The following CRMP1 variants were observed in gnomAD, a reference collection of about 807,000 sequenced individuals.
CRMP1 encodes dihydropyrimidinase-related protein 1.
Under a neutral mutation model 68.3 loss-of-function variants are expected in CRMP1, and 19 were observed. The ratio of observed to expected loss-of-function variants is 0.28; its 90% CI spans 0.19 to 0.41. The LOEUF (loss-of-function observed/expected upper bound fraction) is 0.41. Ranked by LOEUF, CRMP1 falls within the 10% of genes least tolerant of loss-of-function variation. CRMP1 has a pLI of 1.00. For synonymous variants in CRMP1, 439 were observed against 399.6 expected (o/e 1.10, Z -1.18); for missense variants, 791 against 967.4 (o/e 0.82, Z 2.42).
In CRMP1 at chr4:5,870,486, AC is replaced by A. The variant is rs1714362452; in HGVS notation, c.382-3731del. On this transcript the variant is annotated intron_variant, in intron 1 of 13. Transcript: ENST00000324989. The surrounding 1 kb of genome is among the most constrained non-coding windows in gnomAD (Gnocchi z 6.0). ...TTTGCACAGCACTTGTCTTTACTAG[AC>A]CGTGAGCTCCACGGAGGCAACGGAC... 6.6e-6 allele frequency among the ~76,000 whole-genome samples: 1 copy of A among 152,168 alleles called. No homozygotes were observed. The highest frequency in any genetic ancestry group is 2.1e-4 in the South Asian group (1 of 4,830).
rs1330492824 is a variant in CRMP1 at position 5,890,421 on chromosome 4, G to A, written c.381+2168C>T. 1.3e-5 allele frequency among the ~76,000 whole-genome samples: 2 copies of A among 152,212 alleles called. No homozygotes were observed. The highest frequency in any genetic ancestry group is 2.9e-5 in the Non-Finnish European group (2 of 68,030). Reference sequence around the variant, plus strand: ...CCTGCAGCCCAGGGAGAAGCCTGGTGGGCGGGGGGGGAAGGGCCGGGGCAC... The same window carrying A: ...CCTGCAGCCCAGGGAGAAGCCTGGTAGGCGGGGGGGGAAGGGCCGGGGCAC... On this transcript the variant is annotated intron_variant, in intron 1 of 13. Coordinates refer to ENST00000324989, the MANE Select transcript of CRMP1 (RefSeq NM_001014809.3). The surrounding 1 kb of genome is among the most constrained non-coding windows in gnomAD (Gnocchi z 5.5).
chr4:5,857,904 C>T (rs1713251920), intron 3 of CRMP1, among the ~76,000 whole-genome samples: 1 of 152,122 alleles, frequency 6.6e-6, no homozygotes, highest in Non-Finnish European at 1.5e-5. Context: ...GTCTTTTAAA[C>T]CTCCCTTGAG....
At chr4:5,828,807 C>CTG (rs10649742) in intron 11 of CRMP1, 139 bp from the exon 12 acceptor site, 57,887 of 1,061,696 alleles carry the variant, frequency 0.055, 2,253 homozygotes, top group African/African-American at 0.16. Context: ...CTTTTATTGA[C>CTG]TGTAATATTC....
chr4:5,829,847 T>G (rs1720231723), intron 11 of CRMP1, among the ~76,000 whole-genome samples: 2 of 152,168 alleles, frequency 1.3e-5, no homozygotes, highest in Admixed American at 1.3e-4. Flanking sequence ...GAAACAGACT[T>G]TGCATCCACA....
chr4:5,826,662 A>G (rs1719675500), intron 12 of CRMP1: 1 of 152,334 alleles, frequency 6.6e-6, no homozygotes, highest in South Asian at 2.1e-4. Flanking sequence ...TGCTCCAGGC[A>G]CTGGAGAACA....
intron 1 of CRMP1, among the ~76,000 whole-genome samples, chr4:5,876,890 A>C (rs1714880784): frequency 6.6e-6 from 1 of 152,172 alleles, no homozygotes; most frequent in African/African-American, 2.4e-5. Flanking sequence ...AATTTATATT[A>C]TTAACAAACA....
At chr4:5,856,725 CATT>C (rs374488999) in intron 3 of CRMP1, among the ~76,000 whole-genome samples, 6 of 151,728 alleles carry the variant, frequency 4.0e-5, no homozygotes, top group Admixed American at 1.3e-4. Flanking sequence ...TCATCACTAT[CATT>C]ATCGCTCATC....
intron 13 of CRMP1, chr4:5,824,234 A>G: frequency 1.1e-6 from 1 of 943,390 alleles, no homozygotes. Flanking sequence ...GCACCCAGAT[A>G]GCTTTTTCCC....
intron 1 of CRMP1, among the ~76,000 whole-genome samples, chr4:5,868,435 G>A (rs898217796): frequency 1.3e-5 from 2 of 151,368 alleles, no homozygotes; most frequent in African/African-American, 4.9e-5. Context: ...CTGAGTAGCT[G>A]GAACTACAGG....
In CRMP1 at chr4:5,892,810, T is replaced by G; in HGVS notation, c.160A>C (p.Ser54Arg). ...ENKTIDFDAYSVGRRGSARTP... is the reference protein window; with the variant it reads ...ENKTIDFDAYRVGRRGSARTP... ...CGCGCCGAGCCGCGGCGGCCCACAC[T>G]GTAGGCGTCGAAGTCGATGGTCTTG... The change falls in exon 1 of 14, where the codon AGT becomes CGT. Residue 54 changes from serine (S) to arginine (R), a missense_variant. Ser to Arg is a moderately radical substitution (Grantham distance 110). This residue lies in a region of CRMP1 where 193 missense variants were observed against 186.3 expected (regional missense o/e 1.04). Coordinates refer to ENST00000324989, the MANE Select transcript of CRMP1 (RefSeq NM_001014809.3). This position sits in a 1 kb window ranked among gnomAD's most constrained non-coding sequence, Gnocchi z 8.6. 1 of 1,395,720 alleles carries G rather than the reference T, an allele frequency of 7.2e-7. No homozygotes were observed. The highest frequency in any genetic ancestry group is 9.4e-7 in the Non-Finnish European group (1 of 1,062,558). 86.5% of individuals were successfully genotyped at this position (1,395,720 alleles called of 1,614,324 possible).
chr4:5,866,859 A>AAAGG lies in CRMP1; in HGVS notation c.382-107_382-104dup. ...AGAATTATCAAATATTTTCAAAAGT[A>AAAGG]AAGGCATTTAACTTCCCCCGCCCCA... On this transcript the variant is annotated intron_variant, in intron 1 of 13. Transcript: ENST00000324989. The surrounding 1 kb of genome is among the most constrained non-coding windows in gnomAD (Gnocchi z 5.9). 1 of 798,016 alleles carries AAAGG rather than the reference A, an allele frequency of 1.3e-6. No homozygotes were observed. Among genetic ancestry groups the AAAGG allele is most frequent in the East Asian group, 2.8e-5 (1 of 35,092 alleles). 49.4% of individuals were successfully genotyped at this position (798,016 alleles called of 1,614,324 possible).
At chr4:5,845,272 G>A (rs1368455912) in intron 6 of CRMP1, among the ~76,000 whole-genome samples, 1 of 152,224 alleles carries the variant, frequency 6.6e-6, no homozygotes, top group East Asian at 1.9e-4. Context: ...CTGATGAGCA[G>A]AACAAGACAA....
At chr4:5,887,289 G>A (rs996000822) in intron 1 of CRMP1, 7 of 926,952 alleles carry the variant, frequency 7.6e-6, no homozygotes, top group Non-Finnish European at 9.0e-6. Context: ...TTGCATAAAT[G>A]AGCAGGCTGG....
At position 5,853,936 on chromosome 4, in the gene CRMP1, C is replaced by T. The variant is rs1712846382; in HGVS notation, c.820+2207G>A. On this transcript the variant is annotated intron_variant, in intron 4 of 13. Transcript: ENST00000324989. The surrounding 1 kb of genome is among the most constrained non-coding windows in gnomAD (Gnocchi z 4.7). ...GTTGCTGCCAGGACCTGAGCACCAT[C>T]GCCATTCGCCTGCTGGTGACCCAGC... Among the ~76,000 whole-genome samples, 2 of 152,380 alleles carry T rather than the reference C, an allele frequency of 1.3e-5. No homozygotes were observed. The highest frequency in any genetic ancestry group is 3.4e-3 in the Middle Eastern group (1 of 294).
intron 1 of CRMP1, among the ~76,000 whole-genome samples, chr4:5,874,105 A>G (rs993353778): frequency 5.3e-5 from 8 of 152,202 alleles, no homozygotes; most frequent in Non-Finnish European, 1.0e-4. Context: ...AACAATGTTC[A>G]TGTCCTTTGA....
Position 5,834,930 on chromosome 4 carries a change from G to A in CRMP1, c.1623+985C>T, listed in dbSNP as rs938106595. Among the ~76,000 whole-genome samples the A allele has an allele frequency of 2.0e-5, 3 of 152,226 alleles. No homozygotes were observed. Among genetic ancestry groups the A allele is most frequent in the Non-Finnish European group, 2.9e-5 (2 of 68,040 alleles). On this transcript the variant is annotated intron_variant, in intron 11 of 13. Coordinates refer to ENST00000324989, the MANE Select transcript of CRMP1 (RefSeq NM_001014809.3). This position sits in a 1 kb window ranked among gnomAD's most constrained non-coding sequence, Gnocchi z 4.3. ...CGAGACCTCTGCTTCTGCAGGCCAT[G>A]TCTGTGGCAGCCAATGGATACTCCA...
In CRMP1 at chr4:5,892,655, C is replaced by T; in HGVS notation, c.315G>A (p.Arg105=). ...AVSSPGERDE[R]PPTLRIRRPA... The stretch of plus-strand genomic sequence containing the variant: ...GGCGGCGGATGCGCAGCGTCGGCGG[C>T]CGCTCGTCGCGCTCTCCGGGAGAGC... Residue 105 remains arginine, a synonymous_variant, in exon 1 of 14, where the codon CGG becomes CGA. Transcript: ENST00000324989. This position sits in a 1 kb window ranked among gnomAD's most constrained non-coding sequence, Gnocchi z 8.6. The T allele has an allele frequency of 1.7e-6, 2 of 1,193,642 alleles. No homozygotes were observed. The highest frequency in any genetic ancestry group is 3.6e-5 in the East Asian group (1 of 27,572). The allele number at this position is 1,193,642 out of a possible 1,614,324, so 73.9% of individuals were successfully genotyped here. A position where few individuals can be genotyped will look rare whatever the true frequency, so the allele number is the denominator to read the frequency against.
chr4:5,834,436 G>A lies in CRMP1; in HGVS notation c.1623+1479C>T, dbSNP rs1326401669. 6.6e-6 allele frequency among the ~76,000 whole-genome samples: 1 copy of A among 152,162 alleles called. No individual in the cohort carries two copies. Among genetic ancestry groups the A allele is most frequent in the Non-Finnish European group, 1.5e-5 (1 of 68,046 alleles). ...TCCTCTTGATACTTCTTTCACACTT[G>A]TCCTGTCTTATCCTTCTGCCCTCTG... On this transcript the variant is annotated intron_variant, in intron 11 of 13. Coordinates refer to ENST00000324989, the MANE Select transcript of CRMP1 (RefSeq NM_001014809.3). This position sits in a 1 kb window ranked among gnomAD's most constrained non-coding sequence, Gnocchi z 4.3.
Position 5,821,856 on chromosome 4 carries a change from A to G in CRMP1, c.1970-5T>C. 6.4e-7 allele frequency: 1 copy of G among 1,566,050 alleles called. No homozygotes were observed. Among genetic ancestry groups the G allele is most frequent in the Non-Finnish European group, 8.6e-7 (1 of 1,160,728 alleles). ...TGTTGTCATCTATCTGGGCACCTGA[A>G]AGAGAGCGCCAATCGCTGCTGGATG... On this transcript the variant is annotated splice_region_variant and splice_polypyrimidine_tract_variant and intron_variant, in intron 13 of 13. Transcript: ENST00000324989. The surrounding 1 kb of genome is among the most constrained non-coding windows in gnomAD (Gnocchi z 4.4).
Sources: gnomAD v4.1 joint callset for allele counts (sites outside exome capture counted in the v4.1 genomes callset) on GRCh38, gnomAD v4.1.1 for gene constraint, gnomAD v4.1.1 regional missense constraint, Gnocchi (gnomAD v3.1) non-coding constraint, MANE v1.5 for transcripts, NCBI Gene and HGNC (gene_info 2026-07-23, HGNC 2026-07-21) for gene names.